CCDC149: variants seen among roughly 807,000 people sequenced by gnomAD.
CCDC149 encodes the protein coiled-coil domain-containing protein 149.
In CCDC149, 45 loss-of-function variants were observed where a neutral mutation model predicts 59.9. The ratio of observed to expected loss-of-function variants is 0.75; its 90% CI spans 0.59 to 0.96. The LOEUF (loss-of-function observed/expected upper bound fraction) is 0.96, where lower values mean the gene tolerates loss of function less well. Among genes scored for constraint, CCDC149 ranks in the 40% least tolerant of loss-of-function variants. The pLI is 0.00. For missense variants in CCDC149, 584 were observed against 664.7 expected, an observed-to-expected ratio of 0.88 and a Z score of 1.33; for synonymous variants, 245 against 260.6, an observed-to-expected ratio of 0.94 and a Z score of 0.58.
chr4:24,958,935 A>G (rs1723553625), intron 1 of CCDC149, among the ~76,000 whole-genome samples: 1 of 149,116 alleles, frequency 6.7e-6, no homozygotes, highest in Non-Finnish European at 1.5e-5. Context: ...TGAGGCGCTG[A>G]GGCACGAGAA....
chr4:24,921,486 C>T (rs1482685462), intron 1 of CCDC149, among the ~76,000 whole-genome samples: 2 of 152,218 alleles, frequency 1.3e-5, no homozygotes, highest in Non-Finnish European at 2.9e-5. Context: ...TATGGCTCTC[C>T]TACAATGGCT....
chr4:24,804,406 G>A (rs370763259), downstream of CCDC149, among the ~76,000 whole-genome samples: 15 of 149,704 alleles, frequency 1.0e-4, no homozygotes, highest in Admixed American at 6.0e-4. Context: ...CAGGAGAATC[G>A]CTTGAACTCG....
intron 1 of CCDC149, among the ~76,000 whole-genome samples, chr4:24,963,189 AG>A (rs1723693721): frequency 6.6e-6 from 1 of 152,074 alleles, no homozygotes. Context: ...GGTGTTAGCA[AG>A]GCCAAGTGTG....
At chr4:24,906,619 A>C (rs1012712885) in intron 1 of CCDC149, among the ~76,000 whole-genome samples, 1 of 151,534 alleles carries the variant, frequency 6.6e-6, no homozygotes, top group Non-Finnish European at 1.5e-5. Flanking sequence ...GCTGGTCTTG[A>C]ACTCCTGATC....
chr4:24,952,497 C>T (rs544790627), intron 1 of CCDC149, among the ~76,000 whole-genome samples: 1 of 145,676 alleles, frequency 6.9e-6, no homozygotes, highest in East Asian at 2.1e-4. Flanking sequence ...GAGTCTGAGA[C>T]AGGAGAATTG....
chr4:24,894,945 T>C, intron 1 of CCDC149: 3 of 1,535,044 alleles, frequency 2.0e-6, no homozygotes, highest in Non-Finnish European at 2.6e-6. Context: ...AGCAGGTATT[T>C]ATAAAACATA....
Position 24,837,305 on chromosome 4 carries a change from G to T in CCDC149, c.585C>A (p.Leu195=), listed in dbSNP as rs1716604493. Reference sequence around the variant, plus strand: ...TCAGGATATGGTTCAGCTCCTGGTTGAGCCTCTCCACTTTGTCCTGGTAGG... The same window carrying T: ...TCAGGATATGGTTCAGCTCCTGGTTTAGCCTCTCCACTTTGTCCTGGTAGG... Residue 195 remains leucine, a synonymous_variant, in exon 6 of 13, where the codon CTC becomes CTA. Coordinates refer to ENST00000635206, the MANE Select transcript of CCDC149 (RefSeq NM_001330643.2). This position sits in a 1 kb window ranked among gnomAD's most constrained non-coding sequence, Gnocchi z 4.3. 1 of 1,614,068 alleles carries T rather than the reference G, an allele frequency of 6.2e-7. No individual in the cohort carries two copies. The highest frequency in any genetic ancestry group is 1.6e-4 in the Middle Eastern group (1 of 6,084).
chr4:24,839,936 G>A (rs1013313173), intron 4 of CCDC149, among the ~76,000 whole-genome samples: 4 of 152,174 alleles, frequency 2.6e-5, no homozygotes, highest in Non-Finnish European at 5.9e-5. Flanking sequence ...AGGAGTGCCC[G>A]TGGGGGACAA....
At chr4:24,874,225 T>C (rs1719235514) in intron 2 of CCDC149, among the ~76,000 whole-genome samples, 1 of 148,504 alleles carries the variant, frequency 6.7e-6, no homozygotes, top group East Asian at 2.0e-4. Flanking sequence ...CATTGAGAAC[T>C]TCTAGTCCTA....
At chr4:24,809,389 C>T (rs1409496613) in intron 12 of CCDC149, among the ~76,000 whole-genome samples, 3 of 152,168 alleles carry the variant, frequency 2.0e-5, no homozygotes, top group Admixed American at 1.3e-4. Flanking sequence ...AGTTGTTGTC[C>T]CTAAACCCCT....
Position 24,865,810 on chromosome 4 carries a change from C to CG in CCDC149, c.264+7870dup, listed in dbSNP as rs1718659769. ...AGCCTAAATTTCCTCATCTATAAATCGGGGGGTGCTTCCACCTTCCTTACA... is the reference window on the plus strand; with the variant it reads ...AGCCTAAATTTCCTCATCTATAAATCGGGGGGGTGCTTCCACCTTCCTTACA... On this transcript the variant is annotated intron_variant, in intron 3 of 12. Coordinates refer to ENST00000635206, the MANE Select transcript of CCDC149 (RefSeq NM_001330643.2). Among the ~76,000 whole-genome samples, 11 of 152,248 alleles carry CG rather than the reference C, an allele frequency of 7.2e-5. No individual in the cohort carries two copies. In the South Asian group the frequency reaches 2.3e-3, roughly 32 times the overall value.
chr4:24,844,019 G>A lies in CCDC149; in HGVS notation c.373-5747C>T, dbSNP rs1411639167. 4.6e-5 allele frequency among the ~76,000 whole-genome samples: 7 copies of A among 152,128 alleles called. No individual in the cohort carries two copies. In the East Asian group the frequency reaches 1.4e-3, roughly 29 times the overall value. On this transcript the variant is annotated intron_variant, in intron 4 of 12. Coordinates refer to ENST00000635206, the MANE Select transcript of CCDC149 (RefSeq NM_001330643.2). ...CCACTCACAGGTCTGTCCAGAACCC[G>A]CTTCTTTTGTCTCATTCAGGTCAGA...
intron 9 of CCDC149, among the ~76,000 whole-genome samples, chr4:24,826,469 T>C (rs1375084138): frequency 3.3e-5 from 5 of 151,980 alleles, no homozygotes; most frequent in Non-Finnish European, 5.9e-5. Flanking sequence ...GGAGATGAGC[T>C]TGAGATGCCT....
rs1017368107 is a variant in CCDC149 at position 24,807,193 on chromosome 4, T to C, written c.*1196A>G. The C allele has an allele frequency of 2.1e-4, 32 of 152,256 alleles. No individual in the cohort carries two copies. The highest frequency in any genetic ancestry group is 7.2e-4 in the African/African-American group (30 of 41,528). The allele number at this position is 152,256 out of a possible 1,614,324, so 9.4% of individuals were successfully genotyped here. A position where few individuals can be genotyped will look rare whatever the true frequency, so the allele number is the denominator to read the frequency against. Reference sequence around the variant, plus strand: ...AGGGAAGGAAAAAGCTATGGCTGGATGACTTTTAGTTTTCTGCAGTGCCGG... The same window carrying C: ...AGGGAAGGAAAAAGCTATGGCTGGACGACTTTTAGTTTTCTGCAGTGCCGG... On this transcript the variant is annotated 3_prime_UTR_variant, in exon 13 of 13. Transcript: ENST00000635206.
At chr4:24,976,667 C>A (rs770036835) in intron 1 of CCDC149, among the ~76,000 whole-genome samples, 1 of 152,124 alleles carries the variant, frequency 6.6e-6, no homozygotes, top group Non-Finnish European at 1.5e-5. Context: ...GAGCCGAGAT[C>A]GTGCCACTGC....
intron 1 of CCDC149, among the ~76,000 whole-genome samples, chr4:24,879,243 C>T (rs1056298389): frequency 3.3e-5 from 5 of 152,018 alleles, no homozygotes; most frequent in South Asian, 4.1e-4. Context: ...CTGCCAGGCA[C>T]GGTGGCTCAT....
At chr4:24,907,432 A>G (rs1721600190) in intron 1 of CCDC149, among the ~76,000 whole-genome samples, 1 of 151,972 alleles carries the variant, frequency 6.6e-6, no homozygotes, top group Non-Finnish European at 1.5e-5. Flanking sequence ...TCTGAACACA[A>G]CTCCAGGCCT....
intron 1 of CCDC149, among the ~76,000 whole-genome samples, chr4:24,908,247 T>C (rs1368457529): frequency 6.6e-6 from 1 of 151,958 alleles, no homozygotes; most frequent in African/African-American, 2.4e-5. Flanking sequence ...TTGGTTTGGG[T>C]TTTTGATCTT....
At chr4:24,972,189 CACAG>C (rs1486994063) in intron 1 of CCDC149, among the ~76,000 whole-genome samples, 1 of 152,224 alleles carries the variant, frequency 6.6e-6, no homozygotes, top group Non-Finnish European at 1.5e-5. Context: ...TGACTATTTT[CACAG>C]ACAGAGGGAA....
Sources: allele counts gnomAD v4.1 joint callset (sites outside exome capture counted in the v4.1 genomes callset), GRCh38; gene constraint gnomAD v4.1.1; non-coding constraint Gnocchi (gnomAD v3.1); transcripts MANE v1.5; gene names NCBI Gene and HGNC (gene_info 2026-07-23, HGNC 2026-07-21).